DLGAP1: variants seen among roughly 807,000 people sequenced by gnomAD.
DLGAP1 encodes disks large-associated protein 1.
Under a neutral mutation model 90.8 loss-of-function variants are expected in DLGAP1, and 11 were observed. The ratio of observed to expected loss-of-function variants is 0.12; its 90% CI spans 0.08 to 0.20. DLGAP1 has a LOEUF of 0.20. DLGAP1 is among the 10% of genes least tolerant of loss of function. The probability of loss-of-function intolerance (pLI) is 1.00; values close to 1 mark genes in which losing one functional copy is unlikely to be tolerated. For synonymous variants in DLGAP1, 558 were observed against 540.7 expected (o/e 1.03, Z -0.44); for missense variants, 1,050 against 1,333.8 (o/e 0.79, Z 3.31).
At chr18:3,748,726 T>A (rs1422533266) in intron 5 of DLGAP1, among the ~76,000 whole-genome samples, 1 of 152,200 alleles carries the variant, frequency 6.6e-6, no homozygotes, top group Non-Finnish European at 1.5e-5. Flanking sequence ...GAGGCTTTGA[T>A]CCCTTGGGCT....
chr18:3,823,186 TAGG>T (rs943758356), intron 4 of DLGAP1, among the ~76,000 whole-genome samples: 1 of 152,138 alleles, frequency 6.6e-6, no homozygotes, highest in African/African-American at 2.4e-5. Context: ...AGAGTTGGGG[TAGG>T]ACAATCAGCA....
intron 1 of DLGAP1, among the ~76,000 whole-genome samples, chr18:4,353,514 G>C (rs35141910): frequency 0.11 from 16,063 of 152,128 alleles, 1,088 homozygotes; most frequent in East Asian, 0.28. Flanking sequence ...TCCATCACAG[G>C]ATAATTTCCT....
At chr18:3,908,879 A>G (rs1343700857) in intron 3 of DLGAP1, among the ~76,000 whole-genome samples, 3 of 152,216 alleles carry the variant, frequency 2.0e-5, no homozygotes, top group Non-Finnish European at 4.4e-5. Flanking sequence ...AAAGGCTTGC[A>G]TATTTCAGTC....
intron 7 of DLGAP1, among the ~76,000 whole-genome samples, chr18:3,587,544 G>T (rs1233848494): frequency 6.6e-6 from 1 of 152,216 alleles, no homozygotes; most frequent in Non-Finnish European, 1.5e-5. Context: ...GCAGGACGTG[G>T]GCGGGGACAA....
At chr18:4,254,896 C>T (rs942378327) in intron 1 of DLGAP1, among the ~76,000 whole-genome samples, 5 of 152,174 alleles carry the variant, frequency 3.3e-5, no homozygotes, top group African/African-American at 1.2e-4. Flanking sequence ...TGAATCAAGA[C>T]AGTCTGTAGT....
chr18:3,853,721 C>T (rs1354687805), intron 4 of DLGAP1, among the ~76,000 whole-genome samples: 1 of 152,000 alleles, frequency 6.6e-6, no homozygotes, highest in Non-Finnish European at 1.5e-5. Context: ...CAAAATGCTC[C>T]AATGAGCATT....
At chr18:4,343,640 T>G (rs1396229515) in intron 1 of DLGAP1, among the ~76,000 whole-genome samples, 2 of 151,072 alleles carry the variant, frequency 1.3e-5, no homozygotes, top group Admixed American at 6.6e-5. Flanking sequence ...CACACACTGG[T>G]GCCTGTTGGG....
chr18:3,599,444 G>A (rs1181301961), intron 7 of DLGAP1, among the ~76,000 whole-genome samples: 2 of 152,322 alleles, frequency 1.3e-5, no homozygotes, highest in South Asian at 4.1e-4. Context: ...AGTTTGGCTA[G>A]TGGCTTTTAG....
chr18:4,053,063 GC>G (rs1459258678), intron 2 of DLGAP1, among the ~76,000 whole-genome samples: 3 of 152,114 alleles, frequency 2.0e-5, no homozygotes, highest in African/African-American at 7.2e-5. Context: ...TTCAACCTCT[GC>G]CTGTTACCCA....
rs1018314722 is a variant in DLGAP1, at chr18:3,775,508, G to A, written c.1173-32996C>T. Among the ~76,000 whole-genome samples, 2 of 152,098 alleles carry A rather than the reference G, an allele frequency of 1.3e-5. No homozygotes were observed. Among genetic ancestry groups the A allele is most frequent in the African/African-American group, 4.8e-5 (2 of 41,410 alleles). On this transcript the variant is annotated intron_variant, in intron 5 of 12. Coordinates refer to ENST00000315677, the MANE Select transcript of DLGAP1 (RefSeq NM_004746.4). The surrounding 1 kb of genome is among the most constrained non-coding windows in gnomAD (Gnocchi z 4.9). ...TTCCCTTTCCCCTTCCACCATGATT[G>A]TAAGTTTCCCGAGGCCTCACCAAGC...
chr18:4,235,719 C>CTTTTTTTTTTTTTTTTTTTTTTTTTTTTT (rs1175101805), intron 1 of DLGAP1, among the ~76,000 whole-genome samples: 1 of 80,270 alleles, frequency 1.2e-5, no homozygotes, highest in Non-Finnish European at 2.2e-5. Flanking sequence ...ATTTCAATGT[C>CTTTTTTTTTTTTTTTTTTTTTTTTTTTTT]TTTTTTTTTT....
chr18:3,871,380 T>C (rs984261284), intron 4 of DLGAP1, among the ~76,000 whole-genome samples: 1 of 151,204 alleles, frequency 6.6e-6, no homozygotes, highest in South Asian at 2.1e-4. Context: ...TATTCTAAAA[T>C]TGTCATTTTA....
intron 2 of DLGAP1, among the ~76,000 whole-genome samples, chr18:4,015,191 G>A (rs1327445276): frequency 6.6e-6 from 1 of 152,140 alleles, no homozygotes; most frequent in Non-Finnish European, 1.5e-5. Context: ...AGATAATGGT[G>A]TGTATAACTT....
Position 3,760,938 on chromosome 18 carries a change from G to T in DLGAP1, c.1173-18426C>A, listed in dbSNP as rs557164936. Among the ~76,000 whole-genome samples the T allele has an allele frequency of 9.2e-5, 14 of 152,246 alleles. No individual in the cohort carries two copies. The East Asian group carries it at 9.7e-4, about 10-fold the overall frequency. ...TGGTTCATCAGTCTGAGTTTTGGTT[G>T]GGTCCGTGACACTGTGCAAGCCACA... On this transcript the variant is annotated intron_variant, in intron 5 of 12. Coordinates refer to ENST00000315677, the MANE Select transcript of DLGAP1 (RefSeq NM_004746.4).
intron 4 of DLGAP1, among the ~76,000 whole-genome samples, chr18:3,849,982 A>G (rs1485639200): frequency 6.6e-6 from 1 of 152,152 alleles, no homozygotes; most frequent in Non-Finnish European, 1.5e-5. Context: ...ACCTTTCTAT[A>G]TCTTTCTCTG....
chr18:4,340,233 T>A (rs948179391), intron 1 of DLGAP1, among the ~76,000 whole-genome samples: 1 of 152,142 alleles, frequency 6.6e-6, no homozygotes, highest in Non-Finnish European at 1.5e-5. Flanking sequence ...ATCTTGATAG[T>A]TGGTCTGATA....
intron 1 of DLGAP1, among the ~76,000 whole-genome samples, chr18:4,189,882 A>G (rs762358224): frequency 6.6e-6 from 1 of 152,150 alleles, no homozygotes; most frequent in Non-Finnish European, 1.5e-5. Context: ...GGACCTCCAC[A>G]TGGAAAAAAT....
rs546187351 is a variant in DLGAP1, at chr18:4,398,846, T to C, written c.-267+56160A>G. 3.0e-4 allele frequency among the ~76,000 whole-genome samples: 45 copies of C among 152,326 alleles called. No individual in the cohort carries two copies. The South Asian group carries it at 9.1e-3, about 31-fold the overall frequency. Reference sequence around the variant, plus strand: ...GAGTGCCGTTTTTTTGTTTTGCTTTTTTTTGAGACAGTGTCTCACTCTGTC... The same window carrying C: ...GAGTGCCGTTTTTTTGTTTTGCTTTCTTTTGAGACAGTGTCTCACTCTGTC... On this transcript the variant is annotated intron_variant, in intron 1 of 12. Coordinates refer to ENST00000315677, the MANE Select transcript of DLGAP1 (RefSeq NM_004746.4).
In DLGAP1 at chr18:3,794,842, T is replaced by C. The variant is rs551238063; in HGVS notation, c.1172+19217A>G. Among the ~76,000 whole-genome samples the C allele has an allele frequency of 3.3e-5, 5 of 152,260 alleles. No individual in the cohort carries two copies. In the South Asian group the frequency reaches 6.2e-4, roughly 19 times the overall value. On this transcript the variant is annotated intron_variant, in intron 5 of 12. Transcript: ENST00000315677. ...ATAGGATCTGGCTAATCTGATAACA[T>C]ATGGAGGAGAAAAAGTGCGTCACTG...
Sources: gnomAD v4.1 joint callset for allele counts (sites outside exome capture counted in the v4.1 genomes callset) on GRCh38, gnomAD v4.1.1 for gene constraint, Gnocchi (gnomAD v3.1) non-coding constraint, MANE v1.5 for transcripts, NCBI Gene and HGNC (gene_info 2026-07-23, HGNC 2026-07-21) for gene names.